The following TIAM1 variants were observed in gnomAD, a reference collection of about 807,000 sequenced individuals.
The protein encoded by TIAM1 is TIAM Rac1 associated GEF 1.
Under a neutral mutation model 163.5 loss-of-function variants are expected in TIAM1, and 65 were observed. The observed-to-expected ratio is 0.40, with a 90% CI of 0.33 to 0.49. The LOEUF (loss-of-function observed/expected upper bound fraction) is 0.49, where lower values mean the gene tolerates loss of function less well. TIAM1 is among the 20% of genes least tolerant of loss of function. The pLI, the probability that TIAM1 is intolerant of heterozygous loss-of-function variation, is 0.77. For synonymous variants in TIAM1, 833 were observed against 810.1 expected (o/e 1.03, Z -0.48); for missense variants, 1,789 against 2,044.7 (o/e 0.87, Z 2.41).
chr21:31,557,654 T>A (rs572255980), intron 1 of TIAM1, among the ~76,000 whole-genome samples: 1 of 152,156 alleles, frequency 6.6e-6, no homozygotes, highest in Admixed American at 6.5e-5. Context: ...TCCGGACGGC[T>A]CTGACTCGGG....
In TIAM1 at chr21:31,266,653, G is replaced by T; in HGVS notation, c.320C>A (p.Ser107Tyr). 4 of 1,614,224 alleles carry T rather than the reference G, an allele frequency of 2.5e-6. No individual in the cohort carries two copies. The South Asian group carries it at 3.3e-5, about 13-fold the overall frequency. Residue 107 changes from serine (S) to tyrosine (Y), a missense_variant, in exon 4 of 28, where the codon TCT becomes TAT. Physicochemically the swap from Ser to Tyr is moderately radical, Grantham distance 144. Coordinates refer to ENST00000541036, the MANE Select transcript of TIAM1 (RefSeq NM_001353694.2). ...GLRPVSYTDSSVTPSVDSSIV... is the reference protein window; with the variant it reads ...GLRPVSYTDSYVTPSVDSSIV... ...GCTGCTGTCTACGCTGGGAGTGACA[G>T]AAGAGTCAGTGTAAGACACAGGTCT...
Position 31,217,680 on chromosome 21 carries a change from T to C in TIAM1, c.2015A>G (p.Glu672Gly). The C allele has an allele frequency of 1.2e-6, 2 of 1,613,596 alleles. No individual in the cohort carries two copies. Among genetic ancestry groups the C allele is most frequent in the Non-Finnish European group, 1.7e-6 (2 of 1,179,770 alleles). Residue 672 changes from glutamate to glycine, a missense_variant, in exon 9 of 28, where the codon GAA becomes GGA. Physicochemically the swap from Glu to Gly is moderately conservative, Grantham distance 98. Transcript: ENST00000541036. ...CTGAGTACGTCTTCTCACTCCAGTTTCACCAGTGCGTGCTGCCACCTGAGG... is the reference window on the plus strand; with the variant it reads ...CTGAGTACGTCTTCTCACTCCAGTTCCACCAGTGCGTGCTGCCACCTGAGG... Reference protein sequence around the residue: ...FHALVAARTGETGVRRRTQAM... With the variant: ...FHALVAARTGGTGVRRRTQAM...
intron 22 of TIAM1, among the ~76,000 whole-genome samples, chr21:31,140,840 A>C (rs2146271791): frequency 6.6e-6 from 1 of 152,298 alleles, no homozygotes; most frequent in South Asian, 2.1e-4. Flanking sequence ...GTGGTAATGG[A>C]AGTTCACTTT....
At chr21:31,279,544 T>A (rs1366777037) in intron 2 of TIAM1, among the ~76,000 whole-genome samples, 1 of 152,222 alleles carries the variant, frequency 6.6e-6, no homozygotes, top group East Asian at 1.9e-4. Flanking sequence ...CATCCGGTCA[T>A]ATCTTGGCTT....
intron 1 of TIAM1, among the ~76,000 whole-genome samples, chr21:31,543,567 G>A (rs903458408): frequency 6.6e-6 from 1 of 152,204 alleles, no homozygotes; most frequent in African/African-American, 2.4e-5. Flanking sequence ...GGAGGAAGCA[G>A]AACATCGAGG....
intron 2 of TIAM1, among the ~76,000 whole-genome samples, chr21:31,438,422 C>A (rs570821105): frequency 1.4e-4 from 21 of 152,006 alleles, no homozygotes; most frequent in Middle Eastern, 3.4e-3. Flanking sequence ...GAACTCCTGA[C>A]CTCAAGTGAC....
At chr21:31,146,710 CAAAA>C (rs55662795) in intron 20 of TIAM1, among the ~76,000 whole-genome samples, 181 bp downstream of exon 20, 1 of 131,700 alleles carries the variant, frequency 7.6e-6, no homozygotes. Context: ...GACTCTGTCT[CAAAA>C]AAAAAAAAAA....
In TIAM1 at chr21:31,314,218, C is replaced by T. The variant is rs150401843; in HGVS notation, c.-189+25025G>A. On this transcript the variant is annotated intron_variant, in intron 2 of 27. Coordinates refer to ENST00000541036, the MANE Select transcript of TIAM1 (RefSeq NM_001353694.2). Reference sequence around the variant, plus strand: ...CCCACATGAAATGGTTAACTAGTGGCCAATCACACTGACCCTTGGCAAGGA... The same window carrying T: ...CCCACATGAAATGGTTAACTAGTGGTCAATCACACTGACCCTTGGCAAGGA... Among the ~76,000 whole-genome samples the T allele has an allele frequency of 4.1e-3, 625 of 152,214 alleles. 4 individuals are homozygous for T. The highest frequency in any genetic ancestry group is 0.014 in the African/African-American group (586 of 41,534).
intron 2 of TIAM1, among the ~76,000 whole-genome samples, chr21:31,295,387 G>A (rs1404508644): frequency 4.7e-5 from 7 of 149,164 alleles, no homozygotes; most frequent in South Asian, 2.1e-4. Context: ...GGAGAATGGC[G>A]TGAACCCAGG....
intron 1 of TIAM1, among the ~76,000 whole-genome samples, chr21:31,516,107 CAAA>C (rs1345174912): frequency 6.2e-5 from 4 of 64,314 alleles, no homozygotes; most frequent in African/African-American, 4.8e-5. Flanking sequence ...GACTCCATCT[CAAA>C]AAAAAAAAAA....
intron 17 of TIAM1, among the ~76,000 whole-genome samples, chr21:31,153,915 G>A (rs544144739): frequency 1.2e-3 from 174 of 151,278 alleles, no homozygotes; most frequent in South Asian, 9.6e-3. Flanking sequence ...AACAGAAAAC[G>A]GGGCTGGGCA....
At chr21:31,481,749 C>T (rs910314506) in intron 1 of TIAM1, among the ~76,000 whole-genome samples, 24 of 152,266 alleles carry the variant, frequency 1.6e-4, no homozygotes, top group African/African-American at 4.8e-4. Context: ...TCTCTGGAAA[C>T]GCCACCTCAC....
chr21:31,498,793 A>C (rs2046751615), intron 1 of TIAM1, among the ~76,000 whole-genome samples: 1 of 152,014 alleles, frequency 6.6e-6, no homozygotes, highest in Non-Finnish European at 1.5e-5. Context: ...TAAAATTATA[A>C]AAATTAGCCA....
At chr21:31,530,452 TC>T (rs1223266644) in intron 1 of TIAM1, among the ~76,000 whole-genome samples, 5 of 152,354 alleles carry the variant, frequency 3.3e-5, no homozygotes, top group African/African-American at 1.2e-4. Context: ...CTATTCTGTC[TC>T]CCTTCACAAC....
upstream of TIAM1, chr21:31,559,007 G>C (rs2048995555): frequency 6.6e-6 from 1 of 151,728 alleles, no homozygotes; most frequent in Non-Finnish European, 1.5e-5. Context: ...CGGGCGCCAA[G>C]GCGTCCGCGG....
chr21:31,389,380 A>G (rs1394931585), intron 2 of TIAM1, among the ~76,000 whole-genome samples: 1 of 151,924 alleles, frequency 6.6e-6, no homozygotes, highest in Non-Finnish European at 1.5e-5. Flanking sequence ...AGCTAATTTT[A>G]GTATTTTTAG....
In TIAM1 at chr21:31,482,441, G is replaced by A. The variant is rs530739675; in HGVS notation, c.-421-18406C>T. ...TGCTGTGATTACAGGCACGCACCTGGCCCATCACACCCATCTTAACCAGAA... is the reference window on the plus strand; with the variant it reads ...TGCTGTGATTACAGGCACGCACCTGACCCATCACACCCATCTTAACCAGAA... On this transcript the variant is annotated intron_variant, in intron 1 of 28. Coordinates refer to the TIAM1 transcript ENST00000286827. Among the ~76,000 whole-genome samples the A allele has an allele frequency of 5.3e-5, 8 of 152,206 alleles. No individual in the cohort carries two copies. The South Asian group carries it at 1.0e-3, about 20-fold the overall frequency.
At chr21:31,168,688 C>T (rs925334895) in intron 15 of TIAM1, among the ~76,000 whole-genome samples, 4 of 152,210 alleles carry the variant, frequency 2.6e-5, no homozygotes, top group Non-Finnish European at 5.9e-5. Flanking sequence ...GTGTAAGCCA[C>T]TGTGCCAGGC....
chr21:31,312,210 T>A (rs563105775), intron 2 of TIAM1, among the ~76,000 whole-genome samples: 1 of 152,350 alleles, frequency 6.6e-6, no homozygotes, highest in South Asian at 2.1e-4. Context: ...ATTCTCCCAA[T>A]AAACTCCCCT....
Sources: gnomAD v4.1 joint callset for allele counts (sites outside exome capture counted in the v4.1 genomes callset) on GRCh38, gnomAD v4.1.1 for gene constraint, MANE v1.5 for transcripts, NCBI Gene and HGNC (gene_info 2026-07-23, HGNC 2026-07-21) for gene names.